Variants in SKAP2 observed in about 807,000 individuals in gnomAD.
SKAP2 encodes src kinase-associated phosphoprotein 2.
In SKAP2, 28 loss-of-function variants were observed where a neutral mutation model predicts 54.9. The observed-to-expected ratio is 0.51, with a 90% CI of 0.38 to 0.70. The LOEUF is 0.70. SKAP2 is among the 30% of genes least tolerant of loss of function. SKAP2 has a pLI of 0.00. For missense variants in SKAP2, 356 were observed against 424.1 expected (o/e 0.84, Z 1.41); for synonymous variants, 137 against 134.3 (o/e 1.02, Z -0.14).
At chr7:26,793,200 C>A (rs1219536744) in intron 4 of SKAP2, among the ~76,000 whole-genome samples, 1 of 152,178 alleles carries the variant, frequency 6.6e-6, no homozygotes, top group Non-Finnish European at 1.5e-5. Flanking sequence ...GCAAGTGAAA[C>A]AGGCAAAAGC....
At chr7:26,800,601 C>T (rs1372516797) in intron 4 of SKAP2, among the ~76,000 whole-genome samples, 1 of 151,944 alleles carries the variant, frequency 6.6e-6, no homozygotes, top group Non-Finnish European at 1.5e-5. Flanking sequence ...ATTGACAAAC[C>T]TTTAGCCACA....
intron 4 of SKAP2, among the ~76,000 whole-genome samples, chr7:26,819,229 A>G (rs1784334978): frequency 6.6e-6 from 1 of 152,208 alleles, no homozygotes; most frequent in African/African-American, 2.4e-5. Context: ...ACACCATGCA[A>G]TACTATGCAG....
intron 9 of SKAP2, among the ~76,000 whole-genome samples, chr7:26,705,018 G>A (rs2127947461): frequency 6.6e-6 from 1 of 152,158 alleles, no homozygotes; most frequent in Middle Eastern, 3.4e-3. Flanking sequence ...CTTTTTTAAG[G>A]TCTCACCCAC....
intron 4 of SKAP2, among the ~76,000 whole-genome samples, chr7:26,786,735 C>T (rs1283864405): frequency 6.6e-6 from 1 of 152,216 alleles, no homozygotes; most frequent in Non-Finnish European, 1.5e-5. Context: ...TTATCTCAGT[C>T]TGTATCTAAA....
intron 6 of SKAP2, among the ~76,000 whole-genome samples, chr7:26,737,475 CATTATGTAA>C (rs1390950686): frequency 6.6e-6 from 1 of 152,118 alleles, no homozygotes; most frequent in Non-Finnish European, 1.5e-5. Context: ...CAACTTCCAG[CATTATGTAA>C]GTATTTCAGA....
At chr7:26,766,097 C>T (rs1393397191) in intron 4 of SKAP2, among the ~76,000 whole-genome samples, 2 of 152,138 alleles carry the variant, frequency 1.3e-5, no homozygotes, top group Admixed American at 1.3e-4. Flanking sequence ...TTCTTCCTAT[C>T]CATGAGCATG....
chr7:26,665,631 A>G (rs912321484), downstream of SKAP2, among the ~76,000 whole-genome samples: 1 of 152,188 alleles, frequency 6.6e-6, no homozygotes, highest in Non-Finnish European at 1.5e-5. Context: ...AGAAACAAGA[A>G]AAAGCCCCTC....
At chr7:26,863,543 G>C (rs1785310364) in intron 1 of SKAP2, among the ~76,000 whole-genome samples, 3 of 152,092 alleles carry the variant, frequency 2.0e-5, no homozygotes, top group Admixed American at 1.3e-4. Context: ...GGTTCTTAGT[G>C]AACATACACA....
chr7:26,774,006 T>G (rs1430411368), intron 4 of SKAP2, among the ~76,000 whole-genome samples: 1 of 152,146 alleles, frequency 6.6e-6, no homozygotes, highest in African/African-American at 2.4e-5. Context: ...TTTTTACAGG[T>G]AAAATCAGAT....
chr7:26,780,498 G>A (rs1362007612), intron 4 of SKAP2, among the ~76,000 whole-genome samples: 1 of 152,042 alleles, frequency 6.6e-6, no homozygotes, highest in African/African-American at 2.4e-5. Context: ...CTTGAAAGCA[G>A]TCACAGATAA....
At chr7:26,818,012 C>T (rs1006744316) in intron 4 of SKAP2, among the ~76,000 whole-genome samples, 8 of 152,110 alleles carry the variant, frequency 5.3e-5, no homozygotes, top group Admixed American at 1.3e-4. Flanking sequence ...GCCATACTAC[C>T]CAAAGTAATT....
intron 4 of SKAP2, among the ~76,000 whole-genome samples, chr7:26,797,330 C>T (rs1783803920): frequency 6.6e-6 from 1 of 152,204 alleles, no homozygotes; most frequent in Non-Finnish European, 1.5e-5. Context: ...TGTGTTACTC[C>T]ACCCCCCAGC....
intron 4 of SKAP2, among the ~76,000 whole-genome samples, chr7:26,773,243 T>C (rs1235525271): frequency 2.6e-5 from 4 of 152,230 alleles, no homozygotes; most frequent in African/African-American, 9.6e-5. Context: ...TAGAATGAGA[T>C]GCCATTTTAC....
intron 11 of SKAP2, among the ~76,000 whole-genome samples, chr7:26,680,307 T>C (rs1482506433): frequency 1.3e-5 from 2 of 152,200 alleles, no homozygotes; most frequent in Admixed American, 6.5e-5. Context: ...ATAATCTGGA[T>C]CCTGCTATTA....
intron 4 of SKAP2, among the ~76,000 whole-genome samples, chr7:26,835,203 A>G (rs946811527): frequency 6.6e-5 from 10 of 152,324 alleles, no homozygotes; most frequent in Admixed American, 5.2e-4. Context: ...TCTCAAAATA[A>G]TAAGAGCCTA....
intron 4 of SKAP2, among the ~76,000 whole-genome samples, chr7:26,776,671 A>G (rs1783316605): frequency 6.6e-6 from 1 of 152,102 alleles, no homozygotes; most frequent in Admixed American, 6.6e-5. Context: ...CTTATAATTT[A>G]TCATTTCTTT....
At chr7:26,688,263 A>T (rs76727103) in intron 10 of SKAP2, among the ~76,000 whole-genome samples, 1 of 152,196 alleles carries the variant, frequency 6.6e-6, no homozygotes, top group Non-Finnish European at 1.5e-5. Flanking sequence ...GTTCAAAAAA[A>T]ATCAAATGGA....
chr7:26,831,935 A>C (rs10262797), intron 4 of SKAP2, among the ~76,000 whole-genome samples: 12,452 of 152,182 alleles, frequency 0.082, 600 homozygotes, highest in Middle Eastern at 0.16. Flanking sequence ...GTCTTTCCAC[A>C]GTTCATCAAA....
chr7:26,798,784 G>A (rs1028957966), intron 4 of SKAP2, among the ~76,000 whole-genome samples: 5 of 152,168 alleles, frequency 3.3e-5, no homozygotes, highest in Non-Finnish European at 7.4e-5. Context: ...AAGCTGTAGA[G>A]TGTTTAACAG....
Sources: allele counts gnomAD v4.1 joint callset (sites outside exome capture counted in the v4.1 genomes callset), GRCh38; gene constraint gnomAD v4.1.1; transcripts MANE v1.5; gene names NCBI Gene and HGNC (gene_info 2026-07-23, HGNC 2026-07-21).